SHISA6: variants seen among roughly 807,000 people sequenced by gnomAD.
The protein encoded by SHISA6 is protein shisa-6.
A neutral mutation model predicts 47.9 loss-of-function variants in SHISA6; 22 were observed. The ratio of observed to expected loss-of-function variants is 0.46; its 90% CI spans 0.33 to 0.66. The LOEUF (loss-of-function observed/expected upper bound fraction) is 0.66. SHISA6 is among the 30% of genes least tolerant of loss of function. The pLI, the probability that SHISA6 is intolerant of heterozygous loss-of-function variation, is 0.02. For synonymous variants in SHISA6, 388 were observed against 337.8 expected, an observed-to-expected ratio of 1.15 and a Z score of -1.63; for missense variants, 680 against 764.6, an observed-to-expected ratio of 0.89 and a Z score of 1.30.
At chr17:11,344,159 A>C (rs545910719) in intron 2 of SHISA6, among the ~76,000 whole-genome samples, 1 of 152,016 alleles carries the variant, frequency 6.6e-6, no homozygotes, top group Non-Finnish European at 1.5e-5. Flanking sequence ...TCTTTCATCT[A>C]TTTTTTATTT....
intron 1 of SHISA6, among the ~76,000 whole-genome samples, chr17:11,256,797 TAA>T (rs1908024859): frequency 6.6e-6 from 1 of 152,178 alleles, no homozygotes; most frequent in Non-Finnish European, 1.5e-5. Context: ...ATGATTAATG[TAA>T]GGAACGGAGT....
intron 3 of SHISA6, among the ~76,000 whole-genome samples, chr17:11,419,789 C>T (rs1400788184): frequency 6.6e-6 from 1 of 152,110 alleles, no homozygotes; most frequent in Non-Finnish European, 1.5e-5. Flanking sequence ...CCATTTCCAC[C>T]ACCTTTTCCC....
intron 3 of SHISA6, among the ~76,000 whole-genome samples, chr17:11,404,881 C>T (rs951444664): frequency 2.0e-5 from 3 of 152,126 alleles, no homozygotes; most frequent in East Asian, 1.9e-4. Context: ...CAACAGATGC[C>T]GATTACATAG....
chr17:11,301,074 G>C (rs73295434), intron 2 of SHISA6, among the ~76,000 whole-genome samples: 1 of 152,118 alleles, frequency 6.6e-6, no homozygotes, highest in East Asian at 1.9e-4. Flanking sequence ...GTGGAGTCCC[G>C]TGCTCAGCTT....
At chr17:11,306,839 T>G (rs553516230) in intron 2 of SHISA6, among the ~76,000 whole-genome samples, 1 of 152,322 alleles carries the variant, frequency 6.6e-6, no homozygotes, top group African/African-American at 2.4e-5. Flanking sequence ...CCTTTGCTTC[T>G]TTGACCTATC....
chr17:11,311,140 G>A (rs1360951133), intron 2 of SHISA6, among the ~76,000 whole-genome samples: 35 of 148,622 alleles, frequency 2.4e-4, no homozygotes, highest in Middle Eastern at 3.5e-3. Flanking sequence ...AAATTAGCCG[G>A]GTGTGGTGGC....
intron 2 of SHISA6, among the ~76,000 whole-genome samples, chr17:11,361,613 T>A: frequency 6.6e-6 from 1 of 152,208 alleles, no homozygotes. Flanking sequence ...GCTTACCCAG[T>A]TGATGGGGCC....
At chr17:11,329,173 G>T (rs1911014681) in intron 2 of SHISA6, among the ~76,000 whole-genome samples, 1 of 152,174 alleles carries the variant, frequency 6.6e-6, no homozygotes, top group African/African-American at 2.4e-5. Context: ...AATGCTGTCT[G>T]CCTAGCTAGT....
chr17:11,332,707 C>G (rs1394842719), intron 2 of SHISA6, among the ~76,000 whole-genome samples: 1 of 152,192 alleles, frequency 6.6e-6, no homozygotes, highest in African/African-American at 2.4e-5. Context: ...CCTTTAAATT[C>G]AAGTGGATAG....
intron 2 of SHISA6, among the ~76,000 whole-genome samples, chr17:11,314,533 TTTTG>T (rs1374259517): frequency 6.7e-6 from 1 of 150,202 alleles, no homozygotes; most frequent in Non-Finnish European, 1.5e-5. Flanking sequence ...TTTTTCATTT[TTTTG>T]TTTTTTTTTT....
intron 3 of SHISA6, among the ~76,000 whole-genome samples, chr17:11,423,028 A>G (rs1455902980): frequency 1.3e-5 from 2 of 151,760 alleles, no homozygotes; most frequent in African/African-American, 4.8e-5. Context: ...TTAAAACCAG[A>G]CCAGTAAATG....
At chr17:11,387,737 G>A (rs1206003557) in intron 3 of SHISA6, among the ~76,000 whole-genome samples, 1 of 152,156 alleles carries the variant, frequency 6.6e-6, no homozygotes, top group Non-Finnish European at 1.5e-5. Context: ...AACCATTAAC[G>A]TGGGAGGCTG....
At chr17:11,489,003 G>A (rs1916414147) in intron 3 of SHISA6, among the ~76,000 whole-genome samples, 1 of 152,130 alleles carries the variant, frequency 6.6e-6, no homozygotes, top group Admixed American at 6.5e-5. Context: ...TTTCTCAATT[G>A]GGGGTATGTC....
intron 2 of SHISA6, among the ~76,000 whole-genome samples, chr17:11,340,629 G>C (rs1226590546): frequency 6.6e-6 from 1 of 152,176 alleles, no homozygotes; most frequent in Non-Finnish European, 1.5e-5. Flanking sequence ...AGAGGGATGG[G>C]AGGGATTACT....
intron 2 of SHISA6, among the ~76,000 whole-genome samples, chr17:11,271,035 A>C (rs1908626463): frequency 6.6e-6 from 1 of 152,204 alleles, no homozygotes; most frequent in African/African-American, 2.4e-5. Flanking sequence ...TCTAGGGTGC[A>C]AATGGAGAGG....
intron 3 of SHISA6, among the ~76,000 whole-genome samples, chr17:11,517,631 T>C (rs1404694897): frequency 6.6e-6 from 1 of 152,094 alleles, no homozygotes; most frequent in Non-Finnish European, 1.5e-5. Flanking sequence ...GCCTCCTTAG[T>C]AGCTGGACCA....
chr17:11,363,661 G>A (rs1405376387), intron 2 of SHISA6, among the ~76,000 whole-genome samples: 1 of 152,110 alleles, frequency 6.6e-6, no homozygotes, highest in Non-Finnish European at 1.5e-5. Context: ...AGGTATTGAG[G>A]TAGGAGGTGG....
At chr17:11,341,328 C>CTTTTTTT (rs71367322) in intron 2 of SHISA6, among the ~76,000 whole-genome samples, 12 of 88,824 alleles carry the variant, frequency 1.4e-4, no homozygotes, top group East Asian at 6.8e-4. Context: ...CTCTCTCTCT[C>CTTTTTTT]TTTTTTTTTT....
chr17:11,301,984 C>T (rs780647567), intron 2 of SHISA6, among the ~76,000 whole-genome samples: 3 of 152,072 alleles, frequency 2.0e-5, no homozygotes, highest in East Asian at 1.9e-4. Flanking sequence ...TACATGGCGG[C>T]GGCAAGAGAA....
Sources: gnomAD v4.1 joint callset for allele counts (sites outside exome capture counted in the v4.1 genomes callset) on GRCh38, gnomAD v4.1.1 for gene constraint, MANE v1.5 for transcripts, NCBI Gene and HGNC (gene_info 2026-07-23, HGNC 2026-07-21) for gene names.